Variants in ZSWIM5 observed in about 807,000 individuals in gnomAD.
ZSWIM5 encodes the protein zinc finger SWIM-type containing 5, also known as zinc finger SWIM domain-containing protein 5.
A neutral mutation model predicts 119.6 loss-of-function variants in ZSWIM5; 55 were observed. That is an observed-to-expected ratio of 0.46 (90% CI 0.37 to 0.58). The LOEUF is 0.58. Among genes scored for constraint, ZSWIM5 ranks in the 20% least tolerant of loss-of-function variants. ZSWIM5 has a pLI of 0.00. For synonymous variants in ZSWIM5, 537 were observed against 606.9 expected (o/e 0.88, Z 1.69); for missense variants, 1,193 against 1,512.8 (o/e 0.79, Z 3.51).
chr1:45,084,760 T>C (rs1399829922), intron 2 of ZSWIM5, among the ~76,000 whole-genome samples: 1 of 152,236 alleles, frequency 6.6e-6, no homozygotes, highest in African/African-American at 2.4e-5. Context: ...ATGCAATGGG[T>C]AGGCACCTAA....
intron 5 of ZSWIM5, among the ~76,000 whole-genome samples, chr1:45,046,631 GAT>G (rs1409190163): frequency 3.1e-5 from 3 of 96,322 alleles, no homozygotes; most frequent in South Asian, 3.4e-4. Context: ...GTCTGGGCAA[GAT>G]ATGTGTGTGT....
Position 45,034,411 on chromosome 1 carries a change from C to T in ZSWIM5, c.2350G>A (p.Val784Met), listed in dbSNP as rs145298923. The T allele has an allele frequency of 7.8e-3, 12,616 of 1,613,884 alleles. 65 individuals are homozygous for T. The highest frequency in any genetic ancestry group is 8.8e-3 in the Non-Finnish European group (10,324 of 1,179,876). ...AGDTSHPHHM[V>M]SVVPSRYPRW... ...GGATAACGGCTGGGCACCACAGACA[C>T]CATATGGTGAGGGTGGGATGTGTCG... is the stretch of plus-strand genomic sequence containing the variant. The change falls in exon 11 of 14, where the codon GTG (valine) becomes ATG (methionine). Residue 784 changes from valine (V) to methionine (M), a missense_variant. Physicochemically the swap from Val to Met is conservative, Grantham distance 21. Around this residue, in one of 2 missense-constraint regions of ZSWIM5, gnomAD observed 961 missense variants for 1,290.0 expected, o/e 0.74. Transcript: ENST00000359600.
At chr1:45,096,576 A>ACACG (rs1446623822) in intron 1 of ZSWIM5, among the ~76,000 whole-genome samples, 1 of 151,712 alleles carries the variant, frequency 6.6e-6, no homozygotes, top group Non-Finnish European at 1.5e-5. Flanking sequence ...ACACACACAC[A>ACACG]GCCCTCAAGT....
intron 2 of ZSWIM5, 34 bp from the exon 3 acceptor site, chr1:45,060,281 T>C: frequency 6.2e-7 from 1 of 1,604,010 alleles, no homozygotes; most frequent in Non-Finnish European, 8.5e-7. Flanking sequence ...ATGAATCACC[T>C]GAGTTCACAT....
At chr1:45,184,942 G>A (rs1265565861) in intron 1 of ZSWIM5, among the ~76,000 whole-genome samples, 1 of 152,088 alleles carries the variant, frequency 6.6e-6, no homozygotes, top group Non-Finnish European at 1.5e-5. Context: ...TCATTGCCAA[G>A]TCAATCCTAA....
intron 1 of ZSWIM5, among the ~76,000 whole-genome samples, chr1:45,114,900 G>T (rs1394156454): frequency 1.3e-5 from 2 of 152,148 alleles, no homozygotes; most frequent in African/African-American, 2.4e-5. Context: ...ATCTTGCACT[G>T]CCCTTAATCC....
rs1646194402 is a variant in ZSWIM5, at chr1:45,206,594, G to A, written c.-244C>T. ...CGGCGCGCGGTGTCCTGGCCGCCGC[G>A]GACGCGAAGACAGGCGGGAGCGAGC... is the stretch of plus-strand genomic sequence containing the variant. On this transcript the variant is annotated 5_prime_UTR_variant, in exon 1 of 14. Transcript: ENST00000359600. 1 of 950,038 alleles carries A rather than the reference G, an allele frequency of 1.1e-6. No homozygotes were observed. The highest frequency in any genetic ancestry group is 1.8e-5 in the African/African-American group (1 of 56,478). The allele number at this position is 950,038 out of a possible 1,614,324, so 58.9% of individuals were successfully genotyped here.
chr1:45,189,035 C>T (rs1024488446), intron 1 of ZSWIM5, among the ~76,000 whole-genome samples: 3 of 152,010 alleles, frequency 2.0e-5, no homozygotes, highest in East Asian at 1.9e-4. Context: ...TGCAAGGGAC[C>T]GGGCACGGTG....
In ZSWIM5 at chr1:45,019,511, C is replaced by A. The variant is rs1557737667; in HGVS notation, c.2696-195G>T. On this transcript the variant is annotated intron_variant, in intron 13 of 13. Coordinates refer to ENST00000359600, the MANE Select transcript of ZSWIM5 (RefSeq NM_020883.2). This position sits in a 1 kb window ranked among gnomAD's most constrained non-coding sequence, Gnocchi z 5.0. Reference sequence around the variant, plus strand: ...ACCCTGTTTGGGGTCTCTTCCTATCCCTTCTTTCCCCAGGTCAGAGAGTTG... The same window carrying A: ...ACCCTGTTTGGGGTCTCTTCCTATCACTTCTTTCCCCAGGTCAGAGAGTTG... 6.6e-6 allele frequency among the ~76,000 whole-genome samples: 1 copy of A among 152,190 alleles called. No individual in the cohort carries two copies. The highest frequency in any genetic ancestry group is 1.5e-5 in the Non-Finnish European group (1 of 68,036).
At chr1:45,135,088 T>C (rs930301345) in intron 1 of ZSWIM5, among the ~76,000 whole-genome samples, 4 of 151,574 alleles carry the variant, frequency 2.6e-5, no homozygotes, top group African/African-American at 9.7e-5. Flanking sequence ...GGATATATAC[T>C]CAGAAATGGG....
At chr1:45,164,131 ACT>A (rs1390213091) in intron 1 of ZSWIM5, among the ~76,000 whole-genome samples, 1 of 152,194 alleles carries the variant, frequency 6.6e-6, no homozygotes, top group East Asian at 1.9e-4. Flanking sequence ...CTCGGCAGAA[ACT>A]CTAAAAGCCA....
chr1:45,040,724 A>G (rs1253921556), intron 6 of ZSWIM5, among the ~76,000 whole-genome samples, 186 bp from the exon 7 acceptor site: 1 of 152,236 alleles, frequency 6.6e-6, no homozygotes, highest in Non-Finnish European at 1.5e-5. Context: ...TGATATCTTG[A>G]AAGAGCTACC....
chr1:45,084,390 TG>T (rs1645312497), intron 2 of ZSWIM5, among the ~76,000 whole-genome samples: 1 of 152,246 alleles, frequency 6.6e-6, no homozygotes, highest in South Asian at 2.1e-4. Flanking sequence ...ATTCTGCCCC[TG>T]GCCCCTTCTA....
At position 45,049,547 on chromosome 1, in the gene ZSWIM5, G is replaced by A. The variant is rs190242586; in HGVS notation, c.1432+1527C>T. 3.0e-3 allele frequency among the ~76,000 whole-genome samples: 454 copies of A among 152,108 alleles called. 5 individuals carry two copies. The highest frequency in any genetic ancestry group is 1.4e-3 in the East Asian group (7 of 5,166). ...GAAACTGCCAGACCAGGCTGGTCGC[G>A]GTGGCTCATGCCTGTAATACTAGCA... is the stretch of plus-strand genomic sequence containing the variant. On this transcript the variant is annotated intron_variant, in intron 5 of 13. Transcript: ENST00000359600.
At chr1:45,051,024 C>T in intron 5 of ZSWIM5, 50 bp downstream of exon 5, 1 of 1,565,310 alleles carries the variant, frequency 6.4e-7, no homozygotes, top group Non-Finnish European at 8.7e-7. Flanking sequence ...TTTACCCTCC[C>T]ACCTTTTGAA....
chr1:45,098,076 C>A (rs144197833), intron 1 of ZSWIM5, among the ~76,000 whole-genome samples: 1 of 152,002 alleles, frequency 6.6e-6, no homozygotes, highest in East Asian at 1.9e-4. Context: ...AAAGAAGACT[C>A]CAGGCAAGAG....
intron 2 of ZSWIM5, among the ~76,000 whole-genome samples, chr1:45,063,266 A>C (rs1439394333): frequency 6.6e-6 from 1 of 152,144 alleles, no homozygotes; most frequent in East Asian, 1.9e-4. Flanking sequence ...TGCTATTGTG[A>C]ATATGAGTGC....
At chr1:45,154,469 AC>A (rs1645815526) in intron 1 of ZSWIM5, among the ~76,000 whole-genome samples, 1 of 152,212 alleles carries the variant, frequency 6.6e-6, no homozygotes, top group Non-Finnish European at 1.5e-5. Context: ...CTTCGACGAA[AC>A]AAACAAAAAC....
chr1:45,056,419 C>T (rs900273264), intron 4 of ZSWIM5, among the ~76,000 whole-genome samples: 1 of 151,850 alleles, frequency 6.6e-6, no homozygotes, highest in African/African-American at 2.4e-5. Flanking sequence ...ATGGTGAAAC[C>T]CCATCTCTAC....
Sources: gnomAD v4.1 joint callset for allele counts (sites outside exome capture counted in the v4.1 genomes callset) on GRCh38, gnomAD v4.1.1 for gene constraint, gnomAD v4.1.1 regional missense constraint, Gnocchi (gnomAD v3.1) non-coding constraint, MANE v1.5 for transcripts, NCBI Gene and HGNC (gene_info 2026-07-23, HGNC 2026-07-21) for gene names.